Variants in OTUD7A observed in about 807,000 individuals in gnomAD.
OTUD7A encodes OTU deubiquitinase 7A, also known as OTU domain-containing protein 7A.
A neutral mutation model predicts 65.7 loss-of-function variants in OTUD7A; 12 were observed. The observed-to-expected ratio is 0.18, with a 90% CI of 0.12 to 0.30. The LOEUF is 0.30. OTUD7A is among the 10% of genes least tolerant of loss of function. The pLI, the probability that OTUD7A is intolerant of heterozygous loss-of-function variation, is 1.00. For synonymous variants in OTUD7A, 641 were observed against 586.3 expected, an observed-to-expected ratio of 1.09 and a Z score of -1.35; for missense variants, 1,148 against 1,304.8, an observed-to-expected ratio of 0.88 and a Z score of 1.85.
At chr15:31,535,870 C>T (rs1482372013) in intron 5 of OTUD7A, among the ~76,000 whole-genome samples, 1 of 151,574 alleles carries the variant, frequency 6.6e-6, no homozygotes, top group Non-Finnish European at 1.5e-5. Context: ...TTAGTAGAGA[C>T]GGGGTTTCAC....
At chr15:31,732,952 C>T (rs896958357) in intron 1 of OTUD7A, among the ~76,000 whole-genome samples, 23 of 152,182 alleles carry the variant, frequency 1.5e-4, no homozygotes, top group African/African-American at 5.5e-4. Flanking sequence ...TGACGTCCTC[C>T]CCTCAACTAC....
intron 1 of OTUD7A, among the ~76,000 whole-genome samples, chr15:31,830,213 C>CT (rs1217786429): frequency 6.6e-6 from 1 of 152,212 alleles, no homozygotes; most frequent in Non-Finnish European, 1.5e-5. Flanking sequence ...TGTAAACACT[C>CT]TTAGTCAATG....
chr15:31,755,902 AG>A (rs5811661), intron 1 of OTUD7A, among the ~76,000 whole-genome samples: 152,276 of 152,278 alleles, frequency 1, 76,137 homozygotes, highest in Non-Finnish European at 1. Context: ...CAAGGCAAAC[AG>A]GGGGTGTGCA....
At chr15:31,838,787 C>G (rs570826914) in intron 1 of OTUD7A, among the ~76,000 whole-genome samples, 83 of 152,120 alleles carry the variant, frequency 5.5e-4, no homozygotes, top group African/African-American at 1.9e-3. Flanking sequence ...CCCCCTACTA[C>G]TAACTCATTT....
intron 1 of OTUD7A, among the ~76,000 whole-genome samples, chr15:31,842,520 G>A (rs1185816153): frequency 6.6e-6 from 1 of 152,220 alleles, no homozygotes; most frequent in Non-Finnish European, 1.5e-5. Flanking sequence ...TCCCTCTGAT[G>A]GCTGGTTTCA....
At chr15:31,858,345 T>G (rs1003557338) in intron 1 of OTUD7A, among the ~76,000 whole-genome samples, 1 of 152,138 alleles carries the variant, frequency 6.6e-6, no homozygotes, top group South Asian at 2.1e-4. Flanking sequence ...CCTCTTGCTG[T>G]GCAGTGTGGC....
At chr15:31,699,518 T>C (rs1461482573) in intron 1 of OTUD7A, among the ~76,000 whole-genome samples, 2 of 152,162 alleles carry the variant, frequency 1.3e-5, no homozygotes, top group Admixed American at 6.5e-5. Flanking sequence ...GAGCTGCTCA[T>C]GTAGCAATAA....
chr15:31,760,519 T>C lies in OTUD7A; in HGVS notation c.-99-103442A>G, dbSNP rs765057902. 2.6e-5 allele frequency among the ~76,000 whole-genome samples: 4 copies of C among 152,250 alleles called. No homozygotes were observed. In the East Asian group the frequency reaches 5.8e-4, roughly 22 times the overall value. The stretch of plus-strand genomic sequence containing the variant: ...AATTTTAGTTTTGCAGGGTTTTGTA[T>C]TGAACACATTGAAGTTATCTTCCGT... On this transcript the variant is annotated intron_variant, in intron 1 of 12. Coordinates refer to ENST00000307050, the MANE Select transcript of OTUD7A (RefSeq NM_001382637.1).
At chr15:31,623,569 G>A (rs1161063695) in intron 3 of OTUD7A, among the ~76,000 whole-genome samples, 1 of 152,266 alleles carries the variant, frequency 6.6e-6, no homozygotes, top group South Asian at 2.1e-4. Context: ...CGAGCCAGGC[G>A]TGGGATATAA....
At chr15:31,639,456 C>A in intron 3 of OTUD7A, among the ~76,000 whole-genome samples, 1 of 147,438 alleles carries the variant, frequency 6.8e-6, no homozygotes, top group Non-Finnish European at 1.5e-5. Flanking sequence ...TTAGCCCTCA[C>A]TAAGAATGCC....
chr15:31,513,607 G>A (rs193116905), intron 8 of OTUD7A, among the ~76,000 whole-genome samples: 1 of 152,292 alleles, frequency 6.6e-6, no homozygotes, highest in East Asian at 1.9e-4. Flanking sequence ...TCCTTCATAA[G>A]GGTTTCTCTG....
intron 4 of OTUD7A, among the ~76,000 whole-genome samples, chr15:31,566,116 A>G (rs1391290889): frequency 4.6e-5 from 7 of 151,588 alleles, no homozygotes; most frequent in Admixed American, 1.3e-4. Flanking sequence ...GTGTGAACCC[A>G]TGAGGCAGAG....
intron 1 of OTUD7A, among the ~76,000 whole-genome samples, chr15:31,665,987 T>G (rs1023913295): frequency 6.6e-6 from 1 of 152,118 alleles, no homozygotes; most frequent in Non-Finnish European, 1.5e-5. Flanking sequence ...AAATCATCCC[T>G]TCATCCCTCG....
chr15:31,829,792 G>A (rs943273628), intron 1 of OTUD7A, among the ~76,000 whole-genome samples: 2 of 152,310 alleles, frequency 1.3e-5, no homozygotes, highest in African/African-American at 4.8e-5. Context: ...TCACAGAGAA[G>A]GAAAAGGCTG....
intron 1 of OTUD7A, among the ~76,000 whole-genome samples, chr15:31,682,923 G>A (rs1036227931): frequency 6.6e-6 from 1 of 152,232 alleles, no homozygotes; most frequent in African/African-American, 2.4e-5. Flanking sequence ...GCATAACTGT[G>A]TGTGACTGTG....
At chr15:31,532,296 T>C (rs1595589208) in intron 5 of OTUD7A, among the ~76,000 whole-genome samples, 2 of 151,896 alleles carry the variant, frequency 1.3e-5, no homozygotes, top group East Asian at 1.9e-4. Context: ...AATGAAAAAT[T>C]AGAAAATGTA....
At chr15:31,746,184 G>A (rs1295941953) in intron 1 of OTUD7A, among the ~76,000 whole-genome samples, 1 of 152,140 alleles carries the variant, frequency 6.6e-6, no homozygotes, top group African/African-American at 2.4e-5. Flanking sequence ...TCCCCACTAG[G>A]TATTTATGCA....
At chr15:31,575,172 G>A (rs1228230031) in intron 3 of OTUD7A, among the ~76,000 whole-genome samples, 1 of 152,190 alleles carries the variant, frequency 6.6e-6, no homozygotes, top group Non-Finnish European at 1.5e-5. Flanking sequence ...CAGTAGGAAT[G>A]ATAAAAATGA....
rs577152012 is a variant in OTUD7A, at chr15:31,516,192, A to C, written c.893+10157T>G. Among the ~76,000 whole-genome samples, 94 of 152,372 alleles carry C rather than the reference A, an allele frequency of 6.2e-4. 1 individual carries two copies. The highest frequency in any genetic ancestry group is 8.8e-5 in the Non-Finnish European group (6 of 68,034). On this transcript the variant is annotated intron_variant, in intron 8 of 12. Coordinates refer to ENST00000307050, the MANE Select transcript of OTUD7A (RefSeq NM_001382637.1). ...CAAGGTAACAACGGTGCAAAGGTTA[A>C]GTATTAGGCACCATTGTACTGGCAT...
Sources: allele counts gnomAD v4.1 joint callset (sites outside exome capture counted in the v4.1 genomes callset), GRCh38; gene constraint gnomAD v4.1.1; transcripts MANE v1.5; gene names NCBI Gene and HGNC (gene_info 2026-07-23, HGNC 2026-07-21).